HTRA3: variants seen among roughly 807,000 people sequenced by gnomAD.
HTRA3 encodes the protein serine protease HTRA3.
In HTRA3, 41 loss-of-function variants were observed where a neutral mutation model predicts 43.2. The observed-to-expected ratio is 0.95, with a 90% CI of 0.74 to 1.23. The LOEUF (loss-of-function observed/expected upper bound fraction) is 1.23, where lower values mean the gene tolerates loss of function less well. Among genes scored for constraint, HTRA3 ranks in the 50% most tolerant of loss-of-function variants. HTRA3 has a pLI of 0.00. For missense variants in HTRA3, 628 were observed against 647.1 expected, an observed-to-expected ratio of 0.97 and a Z score of 0.32; for synonymous variants, 295 against 287.9, an observed-to-expected ratio of 1.02 and a Z score of -0.25.
intron 3 of HTRA3, among the ~76,000 whole-genome samples, chr4:8,290,686 C>T (rs772293611): frequency 4.6e-5 from 7 of 152,224 alleles, no homozygotes; most frequent in Non-Finnish European, 8.8e-5. Flanking sequence ...GTGTGCACCA[C>T]GCAGCTTCTG....
chr4:8,303,787 C>T (rs373250845), intron 7 of HTRA3, among the ~76,000 whole-genome samples: 4 of 151,898 alleles, frequency 2.6e-5, no homozygotes, highest in Admixed American at 6.6e-5. Flanking sequence ...CGTTCCGTGA[C>T]TCAGCATTGT....
Position 8,286,890 on chromosome 4 carries a change from G to C in HTRA3, c.708+107G>C, listed in dbSNP as rs77644990. 6 of 821,422 alleles carry C rather than the reference G, an allele frequency of 7.3e-6. No homozygotes were observed. The East Asian group carries it at 1.1e-4, about 15-fold the overall frequency. 50.9% of individuals were successfully genotyped at this position (821,422 alleles called of 1,614,324 possible). On this transcript the variant is annotated intron_variant, in intron 3 of 8. Transcript: ENST00000307358. The surrounding 1 kb of genome is among the most constrained non-coding windows in gnomAD (Gnocchi z 4.9). ...AGCTAGCCCCACCTTCCATCAGCCAGGGGGAGGAAACTGGGCCCAGGGAGG... is the reference window on the plus strand; with the variant it reads ...AGCTAGCCCCACCTTCCATCAGCCACGGGGAGGAAACTGGGCCCAGGGAGG...
rs12642594 is a variant in HTRA3, at chr4:8,279,964, A to C, written c.386-2473A>C. On this transcript the variant is annotated intron_variant, in intron 1 of 8. Coordinates refer to ENST00000307358, the MANE Select transcript of HTRA3 (RefSeq NM_053044.5). This position sits in a 1 kb window ranked among gnomAD's most constrained non-coding sequence, Gnocchi z 7.4. ...GGGCACACAGGAGGCACCCTGCACG[A>C]GTGGCTTGAATAAGGCTGTGAGCAG... 0.66 allele frequency among the ~76,000 whole-genome samples: 100,004 copies of C among 152,054 alleles called. 34,143 individuals carry two copies. Among genetic ancestry groups the C allele is most frequent in the Middle Eastern group, 0.81 (236 of 292 alleles).
At chr4:8,294,542 G>A (rs1262603817) in intron 6 of HTRA3, among the ~76,000 whole-genome samples, 2 of 140,394 alleles carry the variant, frequency 1.4e-5, no homozygotes, top group Admixed American at 1.5e-4. Flanking sequence ...CTGCTCTTTA[G>A]TTGTCAGGTG....
rs774941647 is a variant in HTRA3, at chr4:8,294,202, G to C, written c.1051+1G>C. ...GAGTTCCAAGACAAGCAGATCAAAG[G>C]TAAAGAGCTCACCTGGAGGGGGCCA... On this transcript the variant is annotated splice_donor_variant, in intron 6 of 8. Transcript: ENST00000307358. LOFTEE classifies it high-confidence loss of function. 6.2e-7 allele frequency: 1 copy of C among 1,604,908 alleles called. No homozygotes were observed. Among genetic ancestry groups the C allele is most frequent in the South Asian group, 1.1e-5 (1 of 90,366 alleles).
intron 6 of HTRA3, among the ~76,000 whole-genome samples, chr4:8,294,748 A>G (rs1713392711): frequency 7.1e-6 from 1 of 140,298 alleles, no homozygotes; most frequent in Non-Finnish European, 1.5e-5. Context: ...CCACCCACCC[A>G]TCTTTCCATC....
chr4:8,303,461 G>T (rs1333032552), intron 7 of HTRA3, among the ~76,000 whole-genome samples: 1 of 152,202 alleles, frequency 6.6e-6, no homozygotes, highest in Non-Finnish European at 1.5e-5. Context: ...AAGGGAGGCT[G>T]GAAGTACAAA....
chr4:8,275,808 T>C (rs1712496760), intron 1 of HTRA3, among the ~76,000 whole-genome samples: 1 of 152,200 alleles, frequency 6.6e-6, no homozygotes, highest in African/African-American at 2.4e-5. Flanking sequence ...GAGAAAGGGT[T>C]CAGGGAGCTG....
chr4:8,291,502 G>A lies in HTRA3; in HGVS notation c.841G>A (p.Gly281Ser). The A allele has an allele frequency of 6.2e-7, 1 of 1,612,712 alleles. No individual in the cohort carries two copies. Among genetic ancestry groups the A allele is most frequent in the Non-Finnish European group, 8.5e-7 (1 of 1,179,798 alleles). ...CATCGTCAGCACTGCCCAGCGGGAG[G>A]GCAGGGAGCTGGGCCTCCGGGACTC... ...TGIVSTAQRE[G>S]RELGLRDSDM... Residue 281 changes from glycine to serine, a missense_variant, in exon 4 of 9, where the codon GGC (glycine) becomes AGC (serine). Gly to Ser is a moderately conservative substitution (Grantham distance 56). Transcript: ENST00000307358.
chr4:8,272,386 G>C (rs561143322), intron 1 of HTRA3, among the ~76,000 whole-genome samples: 1 of 89,138 alleles, frequency 1.1e-5, no homozygotes, highest in African/African-American at 5.0e-5. Context: ...CAGAAGGCCA[G>C]GAGGTGGCCG....
At position 8,306,060 on chromosome 4, in the gene HTRA3, A is replaced by C. The variant is rs377450932; in HGVS notation, c.1286A>C (p.Glu429Ala). Residue 429 changes from glutamate to alanine, a missense_variant, in exon 9 of 9, where the codon GAG becomes GCG. Physicochemically the swap from Glu to Ala is moderately radical, Grantham distance 107. Coordinates refer to ENST00000307358, the MANE Select transcript of HTRA3 (RefSeq NM_053044.5). This position sits in a 1 kb window ranked among gnomAD's most constrained non-coding sequence, Gnocchi z 8.9. ...SSELQEAVLT[E>A]SPLLLEVRRG... ...GAGCTGCAGGAGGCCGTGCTGACCGAGTCTCCTCTCCTACTGGAGGTGCGG... is the reference window on the plus strand; with the variant it reads ...GAGCTGCAGGAGGCCGTGCTGACCGCGTCTCCTCTCCTACTGGAGGTGCGG... 6.3e-5 allele frequency: 102 copies of C among 1,612,174 alleles called. No individual in the cohort carries two copies. The highest frequency in any genetic ancestry group is 8.6e-5 in the Non-Finnish European group (102 of 1,179,252).
At position 8,282,465 on chromosome 4, in the gene HTRA3, C is replaced by T. The variant is rs1397512667; in HGVS notation, c.414C>T (p.Tyr138=). The change falls in exon 2 of 9, where the codon TAC becomes TAT. Residue 138 remains tyrosine, a synonymous_variant. Coordinates refer to ENST00000307358, the MANE Select transcript of HTRA3 (RefSeq NM_053044.5). ...TCCACCAGCTGAGCAGCCCGCGCTA[C>T]AAGTTCAACTTCATTGCTGACGTGG... The part of the protein sequence containing the change: ...LGLHQLSSPR[Y]KFNFIADVVE... The T allele has an allele frequency of 1.2e-6, 2 of 1,613,940 alleles. No homozygotes were observed. Among genetic ancestry groups the T allele is most frequent in the East Asian group, 2.2e-5 (1 of 44,888 alleles).
intron 8 of HTRA3, 107 bp from the exon 9 acceptor site, chr4:8,305,864 T>C: frequency 8.0e-7 from 1 of 1,245,646 alleles, no homozygotes; most frequent in Non-Finnish European, 1.2e-6. Flanking sequence ...AGATGACTTT[T>C]GTTGAAATGT....
At position 8,286,850 on chromosome 4, in the gene HTRA3, C is replaced by T. The variant is rs1282563034; in HGVS notation, c.708+67C>T. ...GGCATGGTGGCCTCTTCCCAGACGC[C>T]GGAACCCAGAGGCAAGCTAGCCCCA... On this transcript the variant is annotated intron_variant, in intron 3 of 8. Coordinates refer to ENST00000307358, the MANE Select transcript of HTRA3 (RefSeq NM_053044.5). The surrounding 1 kb of genome is among the most constrained non-coding windows in gnomAD (Gnocchi z 4.9). 1.5e-5 allele frequency: 19 copies of T among 1,259,792 alleles called. No individual in the cohort carries two copies. The highest frequency in any genetic ancestry group is 1.0e-4 in the African/African-American group (7 of 67,296). 78.0% of individuals were successfully genotyped at this position (1,259,792 alleles called of 1,614,324 possible).
Position 8,270,058 on chromosome 4 carries a change from C to T in HTRA3, c.90C>T (p.Asp30=), listed in dbSNP as rs746466392. The part of the protein sequence containing the change: ...PPAAPCPARC[D]VSRCPSPRCP... ...CGGCGCCGTGTCCCGCGCGCTGCGA[C>T]GTGTCGCGGTGTCCCAGCCCCCGCT... Residue 30 remains aspartate, a synonymous_variant, in exon 1 of 9, where the codon GAC becomes GAT. Transcript: ENST00000307358. The T allele has an allele frequency of 1.6e-5, 23 of 1,479,786 alleles. No individual in the cohort carries two copies. The highest frequency in any genetic ancestry group is 2.3e-5 in the Admixed American group (1 of 42,592). 91.7% of individuals were successfully genotyped at this position (1,479,786 alleles called of 1,614,324 possible). A position where few individuals can be genotyped will look rare whatever the true frequency, so the allele number is the denominator to read the frequency against.
Position 8,296,504 on chromosome 4 carries a change from A to C in HTRA3, c.1051+2303A>C, listed in dbSNP as rs1048519247. On this transcript the variant is annotated intron_variant, in intron 6 of 8. Coordinates refer to ENST00000307358, the MANE Select transcript of HTRA3 (RefSeq NM_053044.5). The surrounding 1 kb of genome is among the most constrained non-coding windows in gnomAD (Gnocchi z 5.3). Reference sequence around the variant, plus strand: ...GTTAATCTAAAGTTCTTTGAAATGAACCATCTTTTTATTAAATCAAGGAGA... The same window carrying C: ...GTTAATCTAAAGTTCTTTGAAATGACCCATCTTTTTATTAAATCAAGGAGA... 1.0e-6 allele frequency: 1 copy of C among 985,168 alleles called. No homozygotes were observed. The highest frequency in any genetic ancestry group is 1.7e-5 in the African/African-American group (1 of 57,240). 61.0% of individuals were successfully genotyped at this position (985,168 alleles called of 1,614,324 possible).
At chr4:8,283,621 G>T (rs1278208812) in intron 2 of HTRA3, among the ~76,000 whole-genome samples, 2 of 152,236 alleles carry the variant, frequency 1.3e-5, no homozygotes, top group African/African-American at 4.8e-5. Context: ...GGTGTGCACA[G>T]AGCCGGCAAA....
At position 8,274,781 on chromosome 4, in the gene HTRA3, G is replaced by A. The variant is rs146048014; in HGVS notation, c.385+4428G>A. Among the ~76,000 whole-genome samples the A allele has an allele frequency of 3.7e-3, 571 of 152,360 alleles. 6 individuals are homozygous for A. The highest frequency in any genetic ancestry group is 0.013 in the African/African-American group (546 of 41,586). ...AGGCCATGCAGCCTCTCCTCTGGCT[G>A]CAGATAAACAGGCCTTGGAGCCTGC... On this transcript the variant is annotated intron_variant, in intron 1 of 8. Transcript: ENST00000307358.
chr4:8,273,206 G>T (rs1712366862), intron 1 of HTRA3, among the ~76,000 whole-genome samples: 1 of 152,340 alleles, frequency 6.6e-6, no homozygotes, highest in Non-Finnish European at 1.5e-5. Context: ...TCTGCAAGGG[G>T]TGGCAGGGCC....
Sources: gnomAD v4.1 joint callset for allele counts (sites outside exome capture counted in the v4.1 genomes callset) on GRCh38, gnomAD v4.1.1 for gene constraint, Gnocchi (gnomAD v3.1) non-coding constraint, MANE v1.5 for transcripts, NCBI Gene and HGNC (gene_info 2026-07-23, HGNC 2026-07-21) for gene names.